The following TPTE2 variants were observed in gnomAD, a reference collection of about 807,000 sequenced individuals.
TPTE2 encodes the protein phosphatidylinositol 3,4,5-trisphosphate 3-phosphatase TPTE2.
Under a neutral mutation model 78.6 loss-of-function variants are expected in TPTE2, and 53 were observed. That is an observed-to-expected ratio of 0.67 (90% CI 0.54 to 0.85). The LOEUF is 0.85. TPTE2 is among the 40% of genes least tolerant of loss of function. TPTE2 has a pLI of 0.00. For missense variants in TPTE2, 461 were observed against 623.0 expected, an observed-to-expected ratio of 0.74 and a Z score of 2.77; for synonymous variants, 175 against 206.2, an observed-to-expected ratio of 0.85 and a Z score of 1.30.
chr13:19,436,455 C>G lies in TPTE2; in HGVS notation c.1036-149G>C, dbSNP rs1877097667. The G allele has an allele frequency of 1.2e-5, 8 of 694,628 alleles. No individual in the cohort carries two copies. The South Asian group carries it at 1.6e-4, about 14-fold the overall frequency. The allele number at this position is 694,628 out of a possible 1,614,324, so 43.0% of individuals were successfully genotyped here. A position where few individuals can be genotyped will look rare whatever the true frequency, so the allele number is the denominator to read the frequency against. On this transcript the variant is annotated intron_variant, in intron 14 of 19. Transcript: ENST00000400230. ...TTTGGTAGAGTCTTGCTCTGCAACC[C>G]AGACTGGAGTACAGTGGCAGGATCT...
At chr13:19,466,054 C>A (rs1879252082) in intron 7 of TPTE2, among the ~76,000 whole-genome samples, 1 of 152,180 alleles carries the variant, frequency 6.6e-6, no homozygotes, top group African/African-American at 2.4e-5. Context: ...GCTGCTAATG[C>A]ACATCAGGCA....
rs375291894 is a variant in TPTE2 at position 19,438,380 on chromosome 13, T to G, written c.974-227A>C. ...TACAGTAAAAATATCTCTCACCATC[T>G]CTCCACAAAAGGACACGATGAGGTT... On this transcript the variant is annotated intron_variant, in intron 13 of 19. Coordinates refer to ENST00000400230, the Ensembl canonical transcript of TPTE2. The G allele has an allele frequency of 1.1e-4, 112 of 985,290 alleles. No homozygotes were observed. The African/African-American group carries it at 1.7e-3, about 15-fold the overall frequency. The allele number at this position is 985,290 out of a possible 1,614,324, so 61.0% of individuals were successfully genotyped here.
chr13:19,543,230 T>C, the TPTE2 span, among the ~76,000 whole-genome samples: 1 of 152,038 alleles, frequency 6.6e-6, no homozygotes, highest in Non-Finnish European at 1.5e-5. Context: ...TTTTGTAATT[T>C]TTAGTAGAGA....
intron 1 of TPTE2, among the ~76,000 whole-genome samples, chr13:19,510,408 C>T (rs2137692656): frequency 6.7e-6 from 1 of 148,428 alleles, no homozygotes; most frequent in East Asian, 1.9e-4. Flanking sequence ...GATCAAATGG[C>T]AAGAGGGAAA....
intron 6 of TPTE2, among the ~76,000 whole-genome samples, chr13:19,467,894 C>G (rs547549730): frequency 8.9e-6 from 1 of 111,892 alleles, no homozygotes; most frequent in African/African-American, 3.2e-5. Context: ...AATTCAATTG[C>G]TTTTTTTTTT....
chr13:19,426,583 C>T, intron 17 of TPTE2, 66 bp from the exon 21 acceptor site: 2 of 872,054 alleles, frequency 2.3e-6, no homozygotes, highest in South Asian at 1.4e-5. Flanking sequence ...TTCCTTTTCA[C>T]TTATCATGAC....
rs185280713 is a variant in TPTE2, at chr13:19,439,150, G to C, written c.974-997C>G. Among the ~76,000 whole-genome samples the C allele has an allele frequency of 5.4e-3, 817 of 152,244 alleles. 5 individuals carry two copies. Among genetic ancestry groups the C allele is most frequent in the Middle Eastern group, 0.017 (5 of 294 alleles). ...AATCCCCCTACCCCTAGGGCTGAGG[G>C]AGCTCAGATTAATGTGTACTCAGGA... On this transcript the variant is annotated intron_variant, in intron 13 of 19. Transcript: ENST00000400230.
intron 13 of TPTE2, among the ~76,000 whole-genome samples, chr13:19,449,535 A>G (rs1250079516): frequency 6.6e-6 from 1 of 152,200 alleles, no homozygotes; most frequent in African/African-American, 2.4e-5. Context: ...GTTAATAATA[A>G]TGTATACTTG....
chr13:19,518,513 C>A (rs1869944025), intron 1 of TPTE2, among the ~76,000 whole-genome samples: 1 of 152,166 alleles, frequency 6.6e-6, no homozygotes, highest in African/African-American at 2.4e-5. Context: ...AAATGTTCAT[C>A]ATCACTAGCT....
At chr13:19,517,453 A>C (rs568499291) in intron 1 of TPTE2, among the ~76,000 whole-genome samples, 25 of 152,228 alleles carry the variant, frequency 1.6e-4, no homozygotes, top group Middle Eastern at 3.4e-3. Context: ...GGTCCCTGGG[A>C]GGGGAAAGGA....
At chr13:19,559,207 A>G in the TPTE2 span, among the ~76,000 whole-genome samples, 28 of 152,206 alleles carry the variant, frequency 1.8e-4, no homozygotes, top group Admixed American at 5.2e-4. Flanking sequence ...TAAAAAATAC[A>G]TTGTCAATCA....
intron 10 of TPTE2, among the ~76,000 whole-genome samples, chr13:19,459,376 C>A (rs1878743093): frequency 6.6e-6 from 1 of 152,120 alleles, no homozygotes; most frequent in Admixed American, 6.5e-5. Flanking sequence ...GAAGCTTCAT[C>A]CCAGGGGGAT....
chr13:19,437,089 A>T (rs1223526155), intron 14 of TPTE2, among the ~76,000 whole-genome samples: 1 of 151,556 alleles, frequency 6.6e-6, no homozygotes, highest in Non-Finnish European at 1.5e-5. Flanking sequence ...AAACCTTTTG[A>T]TATTTTCTAT....
chr13:19,515,278 G>A (rs749551962), intron 1 of TPTE2, among the ~76,000 whole-genome samples: 4 of 152,172 alleles, frequency 2.6e-5, no homozygotes, highest in Non-Finnish European at 5.9e-5. Context: ...CTCTAAGAGT[G>A]TGCTGAGGTT....
chr13:19,540,308 A>ATTATTATTAT (rs1294933933), upstream of TPTE2, among the ~76,000 whole-genome samples: 1 of 145,562 alleles, frequency 6.9e-6, no homozygotes, highest in South Asian at 2.2e-4. Context: ...TATTATTATT[A>ATTATTATTAT]TGGTTTTTTT....
intron 1 of TPTE2, among the ~76,000 whole-genome samples, chr13:19,527,729 G>A (rs1312278100): frequency 1.3e-5 from 2 of 152,140 alleles, no homozygotes; most frequent in Non-Finnish European, 2.9e-5. Context: ...TTAGGCAGGT[G>A]TGGTGGTGCA....
At chr13:19,549,379 C>T in the TPTE2 span, among the ~76,000 whole-genome samples, 2 of 152,146 alleles carry the variant, frequency 1.3e-5, no homozygotes, top group African/African-American at 4.8e-5. Flanking sequence ...AAGACATACA[C>T]ATGGTCTGCA....
intron 2 of TPTE2, 31 bp downstream of exon 5, chr13:19,493,417 G>T: frequency 1.2e-6 from 2 of 1,607,716 alleles, no homozygotes; most frequent in South Asian, 1.1e-5. Flanking sequence ...TTATGCTGAC[G>T]GGTGACTTTA....
At chr13:19,427,077 TTC>T (rs58207212) in intron 17 of TPTE2, among the ~76,000 whole-genome samples, 30 of 133,666 alleles carry the variant, frequency 2.2e-4, no homozygotes, top group Admixed American at 6.6e-4. Flanking sequence ...TTCTTTTCTT[TTC>T]TTTTTTTTTT....
Sources: allele counts gnomAD v4.1 joint callset (sites outside exome capture counted in the v4.1 genomes callset), GRCh38; gene constraint gnomAD v4.1.1; transcripts MANE v1.5; gene names NCBI Gene and HGNC (gene_info 2026-07-23, HGNC 2026-07-21).